The following INPP4B variants were observed in gnomAD, a reference collection of about 807,000 sequenced individuals.
INPP4B encodes the protein inositol polyphosphate-4-phosphatase type II B, also known as inositol polyphosphate 4-phosphatase type II.
In INPP4B, 55 loss-of-function variants were observed where a neutral mutation model predicts 122.5. The observed-to-expected ratio is 0.45, with a 90% CI of 0.36 to 0.56. INPP4B has a LOEUF of 0.56. INPP4B is among the 20% of genes least tolerant of loss of function. INPP4B has a pLI of 0.00. For synonymous variants in INPP4B, 403 were observed against 388.7 expected, an observed-to-expected ratio of 1.04 and a Z score of -0.43; for missense variants, 1,000 against 1,097.7, an observed-to-expected ratio of 0.91 and a Z score of 1.26.
intron 2 of INPP4B, among the ~76,000 whole-genome samples, chr4:142,469,712 T>C (rs1327950903): frequency 1.3e-5 from 2 of 152,146 alleles, no homozygotes; most frequent in African/African-American, 4.8e-5. Context: ...TCAACAAATA[T>C]ATAATGCCTG....
chr4:142,094,053 T>A (rs974307574), intron 23 of INPP4B, among the ~76,000 whole-genome samples: 1 of 152,178 alleles, frequency 6.6e-6, no homozygotes, highest in Non-Finnish European at 1.5e-5. Flanking sequence ...CTGTTTATAT[T>A]TTTTTAAAGA....
chr4:142,297,441 T>C lies in INPP4B; in HGVS notation c.503+8017A>G, dbSNP rs1490387999. On this transcript the variant is annotated intron_variant, in intron 9 of 25. Transcript: ENST00000262992. ...GGCCTGGTGGGAGGTGTTGGAGTCA[T>C]GGGGGCAAATTCCTCATGGCTTAGT... Among the ~76,000 whole-genome samples the C allele has an allele frequency of 3.3e-5, 5 of 152,202 alleles. 1 individual carries two copies. Among genetic ancestry groups the C allele is most frequent in the South Asian group, 2.1e-4 (1 of 4,832 alleles).
At chr4:142,800,487 G>A (rs1418362127) in intron 1 of INPP4B, among the ~76,000 whole-genome samples, 1 of 152,078 alleles carries the variant, frequency 6.6e-6, no homozygotes, top group African/African-American at 2.4e-5. Context: ...TATAATATAT[G>A]TATGATCAAA....
chr4:142,168,029 C>T (rs1374600650), intron 16 of INPP4B, among the ~76,000 whole-genome samples: 1 of 151,210 alleles, frequency 6.6e-6, no homozygotes, highest in Non-Finnish European at 1.5e-5. Context: ...TGCCTAAAGC[C>T]TAATAAGAAG....
intron 3 of INPP4B, among the ~76,000 whole-genome samples, chr4:142,432,578 G>A (rs879397186): frequency 1.3e-5 from 2 of 152,046 alleles, no homozygotes; most frequent in Admixed American, 6.6e-5. Context: ...CTTGAACAGC[G>A]ATCATGCTTC....
chr4:142,735,284 G>T (rs1766694713), intron 1 of INPP4B, among the ~76,000 whole-genome samples: 1 of 152,132 alleles, frequency 6.6e-6, no homozygotes, highest in African/African-American at 2.4e-5. Flanking sequence ...AACACCCAGT[G>T]TCAGACTTTC....
chr4:142,100,718 C>G (rs1301930630), intron 23 of INPP4B, among the ~76,000 whole-genome samples: 1 of 152,024 alleles, frequency 6.6e-6, no homozygotes, highest in Non-Finnish European at 1.5e-5. Flanking sequence ...AGTTTACAGA[C>G]AGTGAAAATG....
chr4:142,421,675 T>C (rs1002510185), intron 5 of INPP4B, among the ~76,000 whole-genome samples: 10 of 152,212 alleles, frequency 6.6e-5, no homozygotes, highest in African/African-American at 2.4e-4. Context: ...CTCTAGGATT[T>C]CATGTATTTT....
intron 11 of INPP4B, among the ~76,000 whole-genome samples, chr4:142,241,700 G>C (rs1042179416): frequency 1.3e-5 from 2 of 152,172 alleles, no homozygotes; most frequent in Admixed American, 6.5e-5. Context: ...ATAAATCAAA[G>C]AGATATCATA....
At chr4:142,384,132 G>A in intron 7 of INPP4B, 1 of 702,016 alleles carries the variant, frequency 1.4e-6, no homozygotes, top group African/African-American at 1.7e-5. Flanking sequence ...GAAGAAAAGT[G>A]TGATCAGTAA....
intron 2 of INPP4B, among the ~76,000 whole-genome samples, chr4:142,678,558 A>G (rs906838468): frequency 2.0e-5 from 3 of 151,918 alleles, no homozygotes; most frequent in Non-Finnish European, 4.4e-5. Context: ...CTGAAAGACT[A>G]TGATTCTATG....
At chr4:142,340,375 C>T (rs1246938796) in intron 7 of INPP4B, among the ~76,000 whole-genome samples, 2 of 150,828 alleles carry the variant, frequency 1.3e-5, no homozygotes, top group African/African-American at 4.9e-5. Flanking sequence ...TTTTAAAAAA[C>T]ATGATGCCAT....
At chr4:142,508,355 C>G (rs1824277212) in intron 2 of INPP4B, among the ~76,000 whole-genome samples, 1 of 152,178 alleles carries the variant, frequency 6.6e-6, no homozygotes, top group Non-Finnish European at 1.5e-5. Context: ...CTCCCTGTAA[C>G]CTCTGCTCCC....
intron 1 of INPP4B, among the ~76,000 whole-genome samples, chr4:142,814,835 T>C (rs1467442421): frequency 2.6e-5 from 4 of 152,120 alleles, no homozygotes; most frequent in African/African-American, 9.7e-5. Flanking sequence ...GACACTCTAA[T>C]CTCAAGGGGA....
At chr4:142,711,763 G>A (rs1763146304) in intron 2 of INPP4B, among the ~76,000 whole-genome samples, 1 of 152,088 alleles carries the variant, frequency 6.6e-6, no homozygotes, top group Admixed American at 6.5e-5. Context: ...TATAAGAGGT[G>A]TAGGCTGGGC....
At chr4:142,286,911 G>T (rs1196983854) in intron 9 of INPP4B, 1 of 152,070 alleles carries the variant, frequency 6.6e-6, no homozygotes, top group Admixed American at 6.6e-5. Flanking sequence ...GTGATGGTTT[G>T]GTTTGTGTCT....
chr4:142,748,725 T>C (rs1199425615), intron 1 of INPP4B, among the ~76,000 whole-genome samples: 3 of 149,752 alleles, frequency 2.0e-5, no homozygotes, highest in Non-Finnish European at 4.4e-5. Context: ...ACTTTAATAG[T>C]AATGGGAAAC....
intron 22 of INPP4B, among the ~76,000 whole-genome samples, 175 bp from the exon 23 acceptor site, chr4:142,108,365 C>T (rs1170115733): frequency 6.6e-6 from 1 of 152,182 alleles, no homozygotes; most frequent in African/African-American, 2.4e-5. Flanking sequence ...TCTCCACTGG[C>T]CCTGATTTCA....
At chr4:142,222,511 T>C (rs1404706461) in intron 12 of INPP4B, among the ~76,000 whole-genome samples, 1 of 152,218 alleles carries the variant, frequency 6.6e-6, no homozygotes, top group Non-Finnish European at 1.5e-5. Flanking sequence ...ATTTTCTAAA[T>C]GTAATCATGT....
Sources: allele counts gnomAD v4.1 joint callset (sites outside exome capture counted in the v4.1 genomes callset), GRCh38; gene constraint gnomAD v4.1.1; transcripts MANE v1.5; gene names NCBI Gene and HGNC (gene_info 2026-07-23, HGNC 2026-07-21).